Variants in PHACTR1 observed in about 807,000 individuals in gnomAD.
The protein encoded by PHACTR1 is phosphatase and actin regulator 1, also known as RPEL repeat containing 1.
A neutral mutation model predicts 69.2 loss-of-function variants in PHACTR1; 16 were observed. The ratio of observed to expected loss-of-function variants is 0.23; its 90% CI spans 0.16 to 0.35. PHACTR1 has a LOEUF of 0.35. Ranked by LOEUF, PHACTR1 falls within the 10% of genes least tolerant of loss-of-function variation. PHACTR1 has a pLI of 1.00. For missense variants in PHACTR1, 510 were observed against 734.7 expected (o/e 0.69, Z 3.54); for synonymous variants, 312 against 284.5 (o/e 1.10, Z -0.97).
intron 4 of PHACTR1, among the ~76,000 whole-genome samples, chr6:12,894,222 A>G (rs1784429132): frequency 6.6e-6 from 1 of 152,266 alleles, no homozygotes; most frequent in African/African-American, 2.4e-5. Context: ...GCAAATAATA[A>G]GAAAAAAGCC....
chr6:13,078,945 G>C (rs990803505), intron 5 of PHACTR1, among the ~76,000 whole-genome samples: 8 of 151,960 alleles, frequency 5.3e-5, no homozygotes, highest in African/African-American at 1.9e-4. Flanking sequence ...TTGCTGTTTG[G>C]GGGGGTCTAG....
chr6:12,883,388 T>C (rs1783296896), intron 4 of PHACTR1, among the ~76,000 whole-genome samples: 1 of 152,020 alleles, frequency 6.6e-6, no homozygotes, highest in Admixed American at 6.6e-5. Context: ...CTAATTTTTG[T>C]ATTTGTAGCA....
At chr6:13,149,126 C>T (rs184100308) in intron 5 of PHACTR1, among the ~76,000 whole-genome samples, 1 of 152,090 alleles carries the variant, frequency 6.6e-6, no homozygotes, top group African/African-American at 2.4e-5. Context: ...AGCGAGCTGA[C>T]CTCCCTGGTG....
intron 5 of PHACTR1, among the ~76,000 whole-genome samples, chr6:13,110,890 CAG>C (rs567070347): frequency 6.6e-5 from 10 of 152,234 alleles, no homozygotes; most frequent in African/African-American, 2.4e-4. Context: ...GTTCTTCCTG[CAG>C]AGTTTTGTGC....
At chr6:12,764,702 G>A (rs1653234437) in intron 4 of PHACTR1, among the ~76,000 whole-genome samples, 1 of 152,168 alleles carries the variant, frequency 6.6e-6, no homozygotes, top group Admixed American at 6.5e-5. Context: ...GTACAGTCAG[G>A]AGCAGATGAA....
At chr6:13,113,813 C>T (rs1190480655) in intron 5 of PHACTR1, among the ~76,000 whole-genome samples, 1 of 152,108 alleles carries the variant, frequency 6.6e-6, no homozygotes, top group African/African-American at 2.4e-5. Flanking sequence ...AAGGAAGGAA[C>T]CAACTACTAT....
intron 5 of PHACTR1, among the ~76,000 whole-genome samples, chr6:13,133,307 CTCTCCCTCTCTCTCCACGG>C (rs1820834791): frequency 3.4e-5 from 5 of 147,322 alleles, no homozygotes; most frequent in South Asian, 2.3e-4. Flanking sequence ...CTCCCTCTCC[CTCTCCCTCTCTCTCCACGG>C]TCTCCCTCTG....
At chr6:13,259,952 T>G (rs924466200) in intron 10 of PHACTR1, among the ~76,000 whole-genome samples, 1 of 152,182 alleles carries the variant, frequency 6.6e-6, no homozygotes, top group African/African-American at 2.4e-5. Context: ...TACTGAGGAA[T>G]AAAAGCAAAA....
At chr6:13,019,728 A>T (rs1162555861) in intron 4 of PHACTR1, among the ~76,000 whole-genome samples, 1 of 152,240 alleles carries the variant, frequency 6.6e-6, no homozygotes, top group Non-Finnish European at 1.5e-5. Context: ...TCTAAAGGAG[A>T]TAAAAACACT....
In PHACTR1 at chr6:13,278,271, G is replaced by A. The variant is rs773706973; in HGVS notation, c.1451G>A (p.Arg484Gln). The A allele has an allele frequency of 5.0e-6, 8 of 1,591,648 alleles. No individual in the cohort carries two copies. The highest frequency in any genetic ancestry group is 6.0e-6 in the Non-Finnish European group (7 of 1,169,028). ...ELEQRNILKP[R>Q]NEQEEQEEKR... ...ACATCTTAAATATTTTTTTTAGCTC[G>A]GAATGAACAAGAGGAACAGGAGGAG... The change falls in exon 12 of 15, where the codon CGG (arginine) becomes CAG (glutamine). Residue 484 changes from arginine to glutamine, a missense_variant. Transcript: ENST00000332995.
At chr6:13,239,139 C>A (rs143603276) in intron 10 of PHACTR1, among the ~76,000 whole-genome samples, 2 of 152,268 alleles carry the variant, frequency 1.3e-5, no homozygotes, top group African/African-American at 4.8e-5. Context: ...TCCACAAAGC[C>A]TGGGTGGGGG....
chr6:13,280,544 CT>C, intron 12 of PHACTR1: 1 of 207,118 alleles, frequency 4.8e-6, no homozygotes, highest in South Asian at 6.1e-5. Context: ...ATGGGGGCTG[CT>C]TTACAGTGAT....
intron 10 of PHACTR1, among the ~76,000 whole-genome samples, chr6:13,234,370 G>T (rs2127352742): frequency 6.6e-6 from 1 of 152,320 alleles, no homozygotes; most frequent in Non-Finnish European, 1.5e-5. Flanking sequence ...TGTAGAGTTG[G>T]CATTTCTGAA....
intron 4 of PHACTR1, among the ~76,000 whole-genome samples, chr6:12,810,414 C>T (rs549468313): frequency 3.6e-4 from 55 of 152,296 alleles, no homozygotes; most frequent in Non-Finnish European, 4.4e-4. Context: ...TCTAGAAAAA[C>T]GCTCTCTTTG....
chr6:13,166,639 A>G (rs1315609245), intron 6 of PHACTR1, among the ~76,000 whole-genome samples: 1 of 151,400 alleles, frequency 6.6e-6, no homozygotes, highest in South Asian at 2.1e-4. Flanking sequence ...AGGTAATATT[A>G]TATTATGTAT....
chr6:12,799,041 T>C (rs1338174558), intron 4 of PHACTR1, among the ~76,000 whole-genome samples: 1 of 152,248 alleles, frequency 6.6e-6, no homozygotes, highest in African/African-American at 2.4e-5. Flanking sequence ...AGCATTTCAC[T>C]GACTTAAGAC....
chr6:12,814,500 C>T (rs543514417), intron 4 of PHACTR1, among the ~76,000 whole-genome samples: 1 of 152,336 alleles, frequency 6.6e-6, no homozygotes, highest in African/African-American at 2.4e-5. Flanking sequence ...TGGGAGCTAG[C>T]CAGTCTGCTC....
At chr6:12,973,953 G>A (rs1257775026) in intron 4 of PHACTR1, among the ~76,000 whole-genome samples, 5 of 115,764 alleles carry the variant, frequency 4.3e-5, no homozygotes, top group South Asian at 5.7e-4. Context: ...TTGGAGTCTC[G>A]CTCTCTCACC....
intron 4 of PHACTR1, among the ~76,000 whole-genome samples, chr6:13,005,492 CTG>C (rs758932324): frequency 4.6e-5 from 7 of 152,104 alleles, no homozygotes; most frequent in Non-Finnish European, 5.9e-5. Flanking sequence ...TGGCTACAAA[CTG>C]TTATATTAAT....
Sources: gnomAD v4.1 joint callset for allele counts (sites outside exome capture counted in the v4.1 genomes callset) on GRCh38, gnomAD v4.1.1 for gene constraint, MANE v1.5 for transcripts, NCBI Gene and HGNC (gene_info 2026-07-23, HGNC 2026-07-21) for gene names.